Variants in DHX15 observed in about 807,000 individuals in gnomAD.
The protein encoded by DHX15 is ATP-dependent RNA helicase DHX15.
A neutral mutation model predicts 94.4 loss-of-function variants in DHX15; 11 were observed. The observed-to-expected ratio is 0.12, with a 90% CI of 0.07 to 0.19. The LOEUF (loss-of-function observed/expected upper bound fraction) is 0.19, where lower values mean the gene tolerates loss of function less well. DHX15 is among the 10% of genes least tolerant of loss of function. The pLI is 1.00. For synonymous variants in DHX15, 338 were observed against 329.9 expected, an observed-to-expected ratio of 1.02 and a Z score of -0.27; for missense variants, 304 against 988.5, an observed-to-expected ratio of 0.31 and a Z score of 9.29.
At chr4:24,554,580 G>A (rs1178557939) in intron 5 of DHX15, 145 bp downstream of exon 5, 5 of 622,336 alleles carry the variant, frequency 8.0e-6, no homozygotes, top group East Asian at 2.8e-5. Flanking sequence ...GCAGATAAAA[G>A]GGGTTATATA....
chr4:24,579,765 G>C (rs985066623), intron 1 of DHX15, among the ~76,000 whole-genome samples: 5 of 152,170 alleles, frequency 3.3e-5, no homozygotes, highest in Admixed American at 6.5e-5. Flanking sequence ...GGTTGTTGTT[G>C]TTATTATTAC....
intron 6 of DHX15, among the ~76,000 whole-genome samples, chr4:24,543,782 T>A (rs1481909085): frequency 5.9e-5 from 9 of 152,162 alleles, no homozygotes; most frequent in Non-Finnish European, 1.2e-4. Flanking sequence ...AATTTTTTTT[T>A]AAACAATGGG....
intron 6 of DHX15, among the ~76,000 whole-genome samples, chr4:24,547,929 A>ATATCTG (rs1560765873): frequency 2.4e-5 from 1 of 41,030 alleles, no homozygotes; most frequent in African/African-American, 1.1e-4. Context: ...ATATATATAT[A>ATATCTG]TATATATATA....
chr4:24,538,933 A>G (rs768915912), intron 10 of DHX15: 3 of 152,106 alleles, frequency 2.0e-5, no homozygotes, highest in Non-Finnish European at 2.9e-5. Flanking sequence ...CTTGCCCCAC[A>G]CTTTCTCTAA....
intron 3 of DHX15, among the ~76,000 whole-genome samples, chr4:24,569,698 T>C (rs992395135): frequency 8.6e-5 from 13 of 151,712 alleles, no homozygotes; most frequent in African/African-American, 2.7e-4. Flanking sequence ...CTCATATCAC[T>C]GCCTACACAA....
chr4:24,583,498 TC>T (rs1335629214), intron 1 of DHX15, among the ~76,000 whole-genome samples: 1 of 151,372 alleles, frequency 6.6e-6, no homozygotes, highest in African/African-American at 2.4e-5. Context: ...TGCCTTCTAA[TC>T]CCTCCCCATG....
At chr4:24,563,638 A>G (rs1438647185) in intron 3 of DHX15, among the ~76,000 whole-genome samples, 5 of 152,098 alleles carry the variant, frequency 3.3e-5, no homozygotes, top group Admixed American at 6.5e-5. Flanking sequence ...TTTTTTTACT[A>G]TTTTCCATGT....
intron 6 of DHX15, among the ~76,000 whole-genome samples, chr4:24,547,897 GTATGTGTATATATATATATATATATA>G (rs1721467329): frequency 3.6e-5 from 2 of 55,770 alleles, no homozygotes; most frequent in Non-Finnish European, 6.9e-5. Flanking sequence ...CTCTATGTAT[GTATGTGTATATATATATATATATATA>G]TATATATATA....
At chr4:24,543,842 ACAGGTTACTGATATTAAGTTGAAGATGT>A in intron 6 of DHX15, among the ~76,000 whole-genome samples, 1 of 152,272 alleles carries the variant, frequency 6.6e-6, no homozygotes, top group East Asian at 1.9e-4. Flanking sequence ...ATTTTCAGGA[ACAGGTTACTGATATTAAGTTGAAGATGT>A]CTGTATATGC....
intron 4 of DHX15, among the ~76,000 whole-genome samples, chr4:24,555,802 A>G (rs1468172163): frequency 6.6e-6 from 1 of 152,172 alleles, no homozygotes; most frequent in Non-Finnish European, 1.5e-5. Flanking sequence ...GAAGTAATAC[A>G]CGAGGGTAAG....
chr4:24,579,387 T>C (rs911046252), intron 1 of DHX15, among the ~76,000 whole-genome samples: 1 of 152,246 alleles, frequency 6.6e-6, no homozygotes, highest in Non-Finnish European at 1.5e-5. Flanking sequence ...TTGTCAACTA[T>C]TGTGCACATG....
At chr4:24,557,825 C>T (rs1049100778) in intron 3 of DHX15, among the ~76,000 whole-genome samples, 3 of 152,134 alleles carry the variant, frequency 2.0e-5, no homozygotes, top group East Asian at 1.9e-4. Context: ...GATCTGAGGA[C>T]GTTTGGTAAT....
chr4:24,582,473 A>AATT (rs1380127004), intron 1 of DHX15, among the ~76,000 whole-genome samples: 1 of 152,216 alleles, frequency 6.6e-6, no homozygotes, highest in East Asian at 1.9e-4. Context: ...AATACAAATG[A>AATT]ATTCATTCAT....
At chr4:24,531,164 C>A (rs1024007734) in intron 12 of DHX15, among the ~76,000 whole-genome samples, 2 of 151,772 alleles carry the variant, frequency 1.3e-5, no homozygotes, top group African/African-American at 4.8e-5. Flanking sequence ...TCTCGGCTCA[C>A]TGCAAGCTCT....
At chr4:24,566,491 T>C (rs955386149) in intron 3 of DHX15, among the ~76,000 whole-genome samples, 6 of 152,184 alleles carry the variant, frequency 3.9e-5, no homozygotes, top group Admixed American at 1.3e-4. Context: ...ATAACCCCTG[T>C]TCTGGCTAAC....
intron 4 of DHX15, among the ~76,000 whole-genome samples, chr4:24,555,357 GT>G: frequency 6.6e-6 from 1 of 150,460 alleles, no homozygotes; most frequent in East Asian, 1.9e-4. Flanking sequence ...TCCATAAAAA[GT>G]TTCATAAGAG....
intron 6 of DHX15, among the ~76,000 whole-genome samples, chr4:24,545,903 C>A (rs2109399735): frequency 6.6e-6 from 1 of 152,322 alleles, no homozygotes; most frequent in South Asian, 2.1e-4. Context: ...TAATATGGAA[C>A]AGACCCTATG....
intron 3 of DHX15, among the ~76,000 whole-genome samples, chr4:24,569,646 C>T (rs868079751): frequency 6.4e-5 from 9 of 141,634 alleles, no homozygotes; most frequent in Middle Eastern, 7.9e-3. Context: ...ATCCCATTAA[C>T]ACTATATATC....
intron 6 of DHX15, among the ~76,000 whole-genome samples, chr4:24,547,472 T>C (rs1291960834): frequency 6.6e-6 from 1 of 152,160 alleles, no homozygotes; most frequent in African/African-American, 2.4e-5. Flanking sequence ...TGTGTAACTG[T>C]AGTAAATATG....
Sources: allele counts gnomAD v4.1 joint callset (sites outside exome capture counted in the v4.1 genomes callset), GRCh38; gene constraint gnomAD v4.1.1; transcripts MANE v1.5; gene names NCBI Gene and HGNC (gene_info 2026-07-23, HGNC 2026-07-21).